PPP1R12B: variants seen among roughly 807,000 people sequenced by gnomAD.
PPP1R12B encodes protein phosphatase 1 regulatory subunit 12B.
A neutral mutation model predicts 126.1 loss-of-function variants in PPP1R12B; 76 were observed. The ratio of observed to expected loss-of-function variants is 0.60; its 90% CI spans 0.50 to 0.73. PPP1R12B has a LOEUF of 0.73. PPP1R12B is among the 30% of genes least tolerant of loss of function. The probability of loss-of-function intolerance (pLI) is 0.00; values close to 1 mark genes in which losing one functional copy is unlikely to be tolerated. For synonymous variants in PPP1R12B, 356 were observed against 434.7 expected (o/e 0.82, Z 2.25); for missense variants, 1,052 against 1,205.1 (o/e 0.87, Z 1.88).
chr1:202,559,050 C>T (rs956639182), intron 19 of PPP1R12B, among the ~76,000 whole-genome samples, 157 bp downstream of exon 19: 1 of 152,130 alleles, frequency 6.6e-6, no homozygotes, highest in Non-Finnish European at 1.5e-5. Flanking sequence ...CTTTTATTAC[C>T]TCCTGCCCAA....
At chr1:202,474,410 G>A (rs1353070343) in intron 13 of PPP1R12B, among the ~76,000 whole-genome samples, 1 of 151,962 alleles carries the variant, frequency 6.6e-6, no homozygotes, top group East Asian at 1.9e-4. Context: ...AGCCTCCCCG[G>A]TAGCTAGGAT....
chr1:202,583,526 A>G lies in PPP1R12B; in HGVS notation c.*2966A>G, dbSNP rs1689659344. ...TAGGTAATTTCAGGTACTTTCTCTT[A>G]TGCAATTAATTTTATTAACTGATTT... On this transcript the variant is annotated 3_prime_UTR_variant, in exon 24 of 24. Coordinates refer to ENST00000608999, the MANE Select transcript of PPP1R12B (RefSeq NM_002481.4). 6.6e-6 allele frequency: 1 copy of G among 152,232 alleles called. No individual in the cohort carries two copies. The highest frequency in any genetic ancestry group is 1.9e-4 in the East Asian group (1 of 5,206). The allele number at this position is 152,232 out of a possible 1,614,324, so 9.4% of individuals were successfully genotyped here. A position where few individuals can be genotyped will look rare whatever the true frequency, so the allele number is the denominator to read the frequency against.
intron 13 of PPP1R12B, 36 bp from the exon 14 acceptor site, chr1:202,488,497 G>T: frequency 6.9e-7 from 1 of 1,453,618 alleles, no homozygotes; most frequent in Non-Finnish European, 9.6e-7. Context: ...ATGCAGCAAA[G>T]ATCTTGCTTT....
At chr1:202,533,949 C>T (rs7518415) in intron 18 of PPP1R12B, among the ~76,000 whole-genome samples, 62,379 of 152,010 alleles carry the variant, frequency 0.41, 14,753 homozygotes, top group East Asian at 0.7. Flanking sequence ...TTTGAACATC[C>T]ATTAATACTT....
intron 18 of PPP1R12B, among the ~76,000 whole-genome samples, chr1:202,525,212 C>T (rs1016673100): frequency 2.0e-5 from 3 of 152,136 alleles, no homozygotes; most frequent in Admixed American, 1.3e-4. Context: ...GTTTGAGATA[C>T]CTGTTAGATT....
chr1:202,477,331 A>G (rs1356941119), intron 13 of PPP1R12B, among the ~76,000 whole-genome samples: 1 of 152,156 alleles, frequency 6.6e-6, no homozygotes, highest in Non-Finnish European at 1.5e-5. Flanking sequence ...TCATATCTTC[A>G]TTGTATAAGA....
In PPP1R12B at chr1:202,525,168, C is replaced by T. The variant is rs377250707; in HGVS notation, c.2490+28346C>T. Among the ~76,000 whole-genome samples, 92 of 152,234 alleles carry T rather than the reference C, an allele frequency of 6.0e-4. No individual in the cohort carries two copies. The South Asian group carries it at 0.011, about 18-fold the overall frequency. On this transcript the variant is annotated intron_variant, in intron 18 of 23. Transcript: ENST00000608999. The stretch of plus-strand genomic sequence containing the variant: ...TGCTGGGATTACAGGTGTGAGCCAC[C>T]ACACGTGGCCAGAATCCAGTTTTAG...
chr1:202,586,514 A>C lies in PPP1R12B; in HGVS notation c.*5954A>C, dbSNP rs1473242804. 1 of 152,274 alleles carries C rather than the reference A, an allele frequency of 6.6e-6. No homozygotes were observed. The highest frequency in any genetic ancestry group is 1.5e-5 in the Non-Finnish European group (1 of 68,050). The allele number at this position is 152,274 out of a possible 1,614,324, so 9.4% of individuals were successfully genotyped here. On this transcript the variant is annotated 3_prime_UTR_variant, in exon 24 of 24. Coordinates refer to ENST00000608999, the MANE Select transcript of PPP1R12B (RefSeq NM_002481.4). ...TGGGTATTGACACTGCTCAGGAAGC[A>C]GTAGACCCTGTCAGGGACAGCTATT...
At chr1:202,489,986 A>G (rs1818462) in intron 14 of PPP1R12B, among the ~76,000 whole-genome samples, 67,567 of 152,056 alleles carry the variant, frequency 0.44, 16,118 homozygotes, top group East Asian at 0.71. Context: ...AGGTATGTTT[A>G]CCAAGCCTGG....
At chr1:202,578,372 CA>C (rs1482771174) in intron 23 of PPP1R12B, among the ~76,000 whole-genome samples, 5 of 152,200 alleles carry the variant, frequency 3.3e-5, no homozygotes, top group African/African-American at 9.6e-5. Flanking sequence ...ACCCAAGCTG[CA>C]GCCCCAGCAT....
chr1:202,416,265 G>A (rs1387710639), intron 1 of PPP1R12B, among the ~76,000 whole-genome samples: 2 of 152,022 alleles, frequency 1.3e-5, no homozygotes, highest in African/African-American at 2.4e-5. Flanking sequence ...GGTGGCTCAC[G>A]CCTGTAATCC....
At chr1:202,438,626 C>T (rs1671167076) in intron 10 of PPP1R12B, 2 of 514,924 alleles carry the variant, frequency 3.9e-6, no homozygotes, top group Non-Finnish European at 7.3e-6. Flanking sequence ...GAGCCCGCCC[C>T]GTCCCTGGCC....
chr1:202,380,619 C>G (rs1662094947), intron 1 of PPP1R12B, among the ~76,000 whole-genome samples: 1 of 152,174 alleles, frequency 6.6e-6, no homozygotes. Flanking sequence ...TTCCTTGGCT[C>G]TGTCTTCTCA....
rs149308182 is a variant in PPP1R12B, at chr1:202,442,487, C to G, written c.1582C>G (p.Arg528Gly). Residue 528 changes from arginine (R) to glycine (G), a missense_variant, in exon 12 of 24, where the codon CGG becomes GGG. By Grantham distance (125) the Arg-to-Gly change is moderately radical. Coordinates refer to ENST00000608999, the MANE Select transcript of PPP1R12B (RefSeq NM_002481.4). ...TCTAGTGAGGAGTGGCTCCTATACC[C>G]GGCAGCTATGGAGGGATGAAGCAAA... is the stretch of plus-strand genomic sequence containing the variant. ...VNLVRSGSYTRQLWRDEAKGN... is the reference protein window; with the variant it reads ...VNLVRSGSYTGQLWRDEAKGN... 8.2e-5 allele frequency: 133 copies of G among 1,613,374 alleles called. No individual in the cohort carries two copies. In the African/African-American group the frequency reaches 1.5e-3, roughly 18 times the overall value.
At chr1:202,562,679 A>G (rs1488951355) in intron 19 of PPP1R12B, 99 bp from the exon 20 acceptor site, 2 of 1,336,054 alleles carry the variant, frequency 1.5e-6, no homozygotes, top group Non-Finnish European at 2.2e-6. Context: ...GGGCTCCGAA[A>G]TACTTCTTAG....
rs111871824 is a variant in PPP1R12B, at chr1:202,364,828, G to A, written c.291+15686G>A. ...CCTGACCTCGTGATGGGCCCGCCTC[G>A]GCCTCCCAAAGTGCTGGGATTACAG... On this transcript the variant is annotated intron_variant, in intron 1 of 23. Transcript: ENST00000608999. 1.9e-3 allele frequency among the ~76,000 whole-genome samples: 282 copies of A among 151,978 alleles called. 2 individuals carry two copies. The highest frequency in any genetic ancestry group is 6.5e-3 in the African/African-American group (269 of 41,466).
chr1:202,486,382 A>G (rs1678124482), intron 13 of PPP1R12B, among the ~76,000 whole-genome samples: 1 of 152,150 alleles, frequency 6.6e-6, no homozygotes, highest in Non-Finnish European at 1.5e-5. Context: ...TTCTAAGGGT[A>G]TTGTTAACAA....
intron 18 of PPP1R12B, among the ~76,000 whole-genome samples, chr1:202,499,520 G>T (rs1002457600): frequency 3.3e-5 from 5 of 152,148 alleles, no homozygotes; most frequent in African/African-American, 1.2e-4. Flanking sequence ...CTCCCAAAAT[G>T]TTGAGATTAT....
intron 13 of PPP1R12B, among the ~76,000 whole-genome samples, chr1:202,462,474 GA>G (rs1558258148): frequency 6.6e-6 from 1 of 152,062 alleles, no homozygotes; most frequent in African/African-American, 2.4e-5. Context: ...GCATTTAGAA[GA>G]AAGGACAAGA....
Sources: allele counts gnomAD v4.1 joint callset (sites outside exome capture counted in the v4.1 genomes callset), GRCh38; gene constraint gnomAD v4.1.1; transcripts MANE v1.5; gene names NCBI Gene and HGNC (gene_info 2026-07-23, HGNC 2026-07-21).